PTGIS: variants seen among roughly 807,000 people sequenced by gnomAD.
PTGIS encodes prostaglandin I2 synthase.
In PTGIS, 45 loss-of-function variants were observed where a neutral mutation model predicts 50.3. That is an observed-to-expected ratio of 0.90 (90% confidence interval 0.70 to 1.15). The LOEUF (loss-of-function observed/expected upper bound fraction) is 1.15, where lower values mean the gene tolerates loss of function less well. Among genes scored for constraint, PTGIS ranks in the 50% most tolerant of loss-of-function variants. PTGIS has a pLI of 0.00. For missense variants in PTGIS, 668 were observed against 661.3 expected (o/e 1.01, Z -0.11); for synonymous variants, 260 against 267.7 (o/e 0.97, Z 0.28).
At chr20:49,564,697 C>T (rs1454609513) in intron 1 of PTGIS, among the ~76,000 whole-genome samples, 7 of 152,028 alleles carry the variant, frequency 4.6e-5, no homozygotes, top group East Asian at 1.9e-4. Context: ...AAGGTAAAGA[C>T]GGAGTTGCTC....
chr20:49,524,292 C>G, intron 5 of PTGIS, 53 bp from the exon 6 acceptor site: 10 of 1,588,440 alleles, frequency 6.3e-6, no homozygotes, highest in Non-Finnish European at 8.6e-6. Context: ...ATCCCACACC[C>G]AGGGCTGGCC....
intron 5 of PTGIS, among the ~76,000 whole-genome samples, chr20:49,537,249 A>G (rs770646944): frequency 6.6e-6 from 1 of 152,202 alleles, no homozygotes. Flanking sequence ...TTGGGGGCAC[A>G]TGGCCCAGGG....
chr20:49,559,926 CTT>C (rs58437903), intron 1 of PTGIS, among the ~76,000 whole-genome samples: 40,736 of 142,486 alleles, frequency 0.29, 5,714 homozygotes, highest in Middle Eastern at 0.34. Context: ...GAATTATACA[CTT>C]TTTTTTTTTT....
chr20:49,505,566 A>ATTTT lies in PTGIS; in HGVS notation c.*2353_*2354insAAAA, dbSNP rs1981129644. ...TCAGTGACAACCCAGCCTGATTTGG[A>ATTTT]AGGGGGGAGTCATAAGGGTTTTCGC... is the stretch of plus-strand genomic sequence containing the variant. On this transcript the variant is annotated 3_prime_UTR_variant, in exon 10 of 10. Transcript: ENST00000244043. The ATTTT allele has an allele frequency of 1.3e-5, 2 of 152,528 alleles. No homozygotes were observed. Among genetic ancestry groups the ATTTT allele is most frequent in the Non-Finnish European group, 2.9e-5 (2 of 68,042 alleles). The allele number at this position is 152,528 out of a possible 1,614,324, so 9.4% of individuals were successfully genotyped here. A position where few individuals can be genotyped will look rare whatever the true frequency, so the allele number is the denominator to read the frequency against.
rs1982200027 is a variant in PTGIS at position 49,540,605 on chromosome 20, AAAG to A, written c.522-887_522-885del. Among the ~76,000 whole-genome samples the A allele has an allele frequency of 6.6e-6, 1 of 152,096 alleles. No homozygotes were observed. Among genetic ancestry groups the A allele is most frequent in the Non-Finnish European group, 1.5e-5 (1 of 68,006 alleles). On this transcript the variant is annotated intron_variant, in intron 4 of 9. Transcript: ENST00000244043. This position sits in a 1 kb window ranked among gnomAD's most constrained non-coding sequence, Gnocchi z 4.8. The stretch of plus-strand genomic sequence containing the variant: ...AGGTCAGGGCCTGGTCAAGTGTGAA[AAAG>A]GGTAAGACATGGGAGCTAGCATGAG...
intron 3 of PTGIS, 53 bp from the exon 4 acceptor site, chr20:49,544,501 C>A (rs1982310510): frequency 1.2e-6 from 2 of 1,603,492 alleles, no homozygotes; most frequent in Admixed American, 3.3e-5. Context: ...GAAATACACA[C>A]CTACAGGCAC....
rs1436554383 is a variant in PTGIS, at chr20:49,524,241, T to A, written c.674-2A>T. ...CACTGCACATGTGGTCCTTGTCCCC[T>A]GCAGGGACAGAGCACAGAGAGTAGG... On this transcript the variant is annotated splice_acceptor_variant, in intron 5 of 9. Transcript: ENST00000244043. LOFTEE classifies it high-confidence loss of function. The A allele has an allele frequency of 6.2e-7, 1 of 1,613,638 alleles. No homozygotes were observed. The highest frequency in any genetic ancestry group is 1.1e-5 in the South Asian group (1 of 91,068).
intron 5 of PTGIS, among the ~76,000 whole-genome samples, chr20:49,536,806 A>G (rs1165614393): frequency 1.3e-5 from 2 of 151,978 alleles, no homozygotes; most frequent in African/African-American, 2.4e-5. Context: ...TTGTTACCTC[A>G]GCCAATTCTA....
intron 1 of PTGIS, among the ~76,000 whole-genome samples, chr20:49,559,887 A>G (rs1157197094): frequency 6.6e-6 from 1 of 151,762 alleles, no homozygotes; most frequent in Admixed American, 6.6e-5. Context: ...TGATGATTGC[A>G]CAACCCGGTG....
chr20:49,550,569 T>C (rs1172820800), intron 1 of PTGIS, among the ~76,000 whole-genome samples: 1 of 152,212 alleles, frequency 6.6e-6, no homozygotes, highest in African/African-American at 2.4e-5. Context: ...TTGGCGACCA[T>C]GAAGGGACTC....
At chr20:49,564,522 A>T (rs1982848753) in intron 1 of PTGIS, among the ~76,000 whole-genome samples, 1 of 152,176 alleles carries the variant, frequency 6.6e-6, no homozygotes, top group African/African-American at 2.4e-5. Flanking sequence ...AAGTGCTGGA[A>T]TTATAGGTGT....
Position 49,528,786 on chromosome 20 carries a change from G to A in PTGIS, c.674-4547C>T, listed in dbSNP as rs140134854. 3.9e-3 allele frequency among the ~76,000 whole-genome samples: 601 copies of A among 152,274 alleles called. 8 individuals are homozygous for A. Among genetic ancestry groups the A allele is most frequent in the African/African-American group, 0.014 (572 of 41,552 alleles). ...CACAAAGCAAAGTGCCAGCAACCAC[G>A]TGTTTAGTATGCATTTGTGGAAAAA... On this transcript the variant is annotated intron_variant, in intron 5 of 9. Transcript: ENST00000244043.
At chr20:49,543,949 T>C (rs1982292974) in intron 4 of PTGIS, among the ~76,000 whole-genome samples, 1 of 152,222 alleles carries the variant, frequency 6.6e-6, no homozygotes, top group Non-Finnish European at 1.5e-5. Flanking sequence ...CAAGACCAGA[T>C]AAAAGGTTAA....
At chr20:49,538,483 C>T (rs1358848189) in intron 5 of PTGIS, among the ~76,000 whole-genome samples, 1 of 152,012 alleles carries the variant, frequency 6.6e-6, no homozygotes, top group African/African-American at 2.4e-5. Context: ...AATCTCCCAA[C>T]ATCAAGTTGA....
chr20:49,511,428 T>C (rs949472450), intron 8 of PTGIS, among the ~76,000 whole-genome samples: 10 of 152,202 alleles, frequency 6.6e-5, no homozygotes, highest in African/African-American at 1.9e-4. Context: ...TATTGCATGA[T>C]CCTATACACA....
At chr20:49,520,814 G>A (rs1334269034) in intron 6 of PTGIS, among the ~76,000 whole-genome samples, 1 of 151,958 alleles carries the variant, frequency 6.6e-6, no homozygotes. Flanking sequence ...CTACAGGTGC[G>A]CACCATCACG....
intron 3 of PTGIS, 86 bp downstream of exon 3, chr20:49,547,755 T>G (rs1982398349): frequency 2.0e-6 from 3 of 1,471,006 alleles, no homozygotes; most frequent in Non-Finnish European, 2.8e-6. Flanking sequence ...AACATTTGCT[T>G]TGGAACCAAG....
chr20:49,519,842 C>T (rs1008965506), intron 6 of PTGIS, among the ~76,000 whole-genome samples: 5 of 151,198 alleles, frequency 3.3e-5, no homozygotes, highest in African/African-American at 7.4e-5. Flanking sequence ...CATCCAACAG[C>T]GGATCCTGTT....
intron 6 of PTGIS, 23 bp downstream of exon 6, chr20:49,524,035 C>A: frequency 6.2e-7 from 1 of 1,614,072 alleles, no homozygotes; most frequent in Non-Finnish European, 8.5e-7. Flanking sequence ...CCTGCACACA[C>A]CCACTTGCAC....
Sources: allele counts gnomAD v4.1 joint callset (sites outside exome capture counted in the v4.1 genomes callset), GRCh38; gene constraint gnomAD v4.1.1; non-coding constraint Gnocchi (gnomAD v3.1); transcripts MANE v1.5; gene names NCBI Gene and HGNC (gene_info 2026-07-23, HGNC 2026-07-21).